ACOT6: variants seen among roughly 807,000 people sequenced by gnomAD.
ACOT6 encodes the protein acyl-CoA thioesterase 6.
Under a neutral mutation model 12.3 loss-of-function variants are expected in ACOT6, and 14 were observed. The ratio of observed to expected loss-of-function variants is 1.14; its 90% confidence interval spans 0.75 to 1.78. The LOEUF (loss-of-function observed/expected upper bound fraction) is 1.78. ACOT6 is among the 40% of genes most tolerant of loss of function. ACOT6 has a pLI of 0.00. For synonymous variants in ACOT6, 218 were observed against 231.3 expected, an observed-to-expected ratio of 0.94 and a Z score of 0.52; for missense variants, 523 against 551.8, an observed-to-expected ratio of 0.95 and a Z score of 0.52.
At chr14:73,612,511 G>A, upstream of ACOT6, 1 of 1,129,174 alleles carries the variant, frequency 8.9e-7, no homozygotes, top group Non-Finnish European at 1.2e-6. Flanking sequence ...GCTCGGCAAA[G>A]CCGCCAGGCC....
upstream of ACOT6, chr14:73,611,595 G>A (rs977739866): frequency 2.0e-5 from 3 of 152,170 alleles, no homozygotes. Context: ...TTAGATTTGT[G>A]AGGTAAGAAA....
intron 1 of ACOT6, among the ~76,000 whole-genome samples, chr14:73,613,538 C>T (rs1247613137): frequency 6.6e-6 from 1 of 152,108 alleles, no homozygotes; most frequent in East Asian, 1.9e-4. Flanking sequence ...CACAAAACTG[C>T]CTGACAGTCC....
At chr14:73,614,026 CA>C (rs59411143) in intron 1 of ACOT6, among the ~76,000 whole-genome samples, 33 of 92,958 alleles carry the variant, frequency 3.5e-4, no homozygotes, top group South Asian at 2.2e-3. Context: ...TCTGTCTCTA[CA>C]AAAAAAAAAA....
intron 1 of ACOT6, among the ~76,000 whole-genome samples, chr14:73,615,393 A>T (rs1191139536): frequency 9.3e-6 from 1 of 106,972 alleles, no homozygotes; most frequent in East Asian, 5.5e-4. Flanking sequence ...TCTGATAAAA[A>T]AAAAAAAAAA....
In ACOT6 at chr14:73,615,388, T is replaced by TAAAAA. The variant is rs1160138803; in HGVS notation, c.462-1591_462-1587dup. Reference sequence around the variant, plus strand: ...GGCAACAGAGAGAGACTCTGTCTGATAAAAAAAAAAAAAAAAAAACAAAAA... The same window carrying TAAAAA: ...GGCAACAGAGAGAGACTCTGTCTGATAAAAAAAAAAAAAAAAAAAAAAAACAAAAA... On this transcript the variant is annotated intron_variant, in intron 1 of 2. Transcript: ENST00000645972. 5.1e-4 allele frequency among the ~76,000 whole-genome samples: 32 copies of TAAAAA among 63,308 alleles called. 3 individuals are homozygous for TAAAAA. The highest frequency in any genetic ancestry group is 2.2e-3 in the African/African-American group (22 of 10,000). 41.5% of individuals were successfully genotyped at this position (63,308 alleles called of 152,430 possible). A position where few individuals can be genotyped will look rare whatever the true frequency, so the allele number is the denominator to read the frequency against.
chr14:73,613,138 A>G, intron 1 of ACOT6, 106 bp downstream of exon 1: 1 of 491,084 alleles, frequency 2.0e-6, no homozygotes, highest in Non-Finnish European at 3.5e-6. Context: ...CCTTCGCTCC[A>G]GAGTCTGTCA....
Position 73,613,038 on chromosome 14 carries a change from C to T in ACOT6, c.461+6C>T. ...CTCTTCCTGCCGCCGGATGAGTAGTCTGCCCAGAATTTGGTCGAGCTCTGC... is the reference window on the plus strand; with the variant it reads ...CTCTTCCTGCCGCCGGATGAGTAGTTTGCCCAGAATTTGGTCGAGCTCTGC... On this transcript the variant is annotated splice_donor_region_variant and intron_variant, in intron 1 of 2. Transcript: ENST00000645972. 1.3e-6 allele frequency: 1 copy of T among 785,142 alleles called. No individual in the cohort carries two copies. The highest frequency in any genetic ancestry group is 1.8e-5 in the African/African-American group (1 of 54,066). 48.6% of individuals were successfully genotyped at this position (785,142 alleles called of 1,614,324 possible).
At chr14:73,618,859 G>A (rs1337874087) in intron 2 of ACOT6, among the ~76,000 whole-genome samples, 13 of 152,140 alleles carry the variant, frequency 8.5e-5, no homozygotes, top group South Asian at 2.1e-4. Context: ...GGCGGGGCAC[G>A]GTGGCTCATG....
At chr14:73,611,482 T>TAAA (rs1890443811), upstream of ACOT6, 1 of 152,196 alleles carries the variant, frequency 6.6e-6, no homozygotes, top group Non-Finnish European at 1.5e-5. Flanking sequence ...CCTTTGTAGA[T>TAAA]AGTACCTTTA....
chr14:73,612,968 G>A lies in ACOT6; in HGVS notation c.397G>A (p.Gly133Arg), dbSNP rs1255866173. The part of the protein sequence containing the change: ...AQNKRDFLRP[G>R]VRREPVRAGP... ...GAACAAGCGCGACTTTCTCCGGCCG[G>A]GGGTGCGGCGCGAGCCGGTGCGCGC... Residue 133 changes from glycine (G) to arginine (R), a missense_variant, in exon 1 of 3, where the codon GGG becomes AGG. Transcript: ENST00000645972. 1 of 1,197,798 alleles carries A rather than the reference G, an allele frequency of 8.3e-7. No individual in the cohort carries two copies. Among genetic ancestry groups the A allele is most frequent in the African/African-American group, 1.6e-5 (1 of 62,508 alleles). The allele number at this position is 1,197,798 out of a possible 1,614,324, so 74.2% of individuals were successfully genotyped here. A position where few individuals can be genotyped will look rare whatever the true frequency, so the allele number is the denominator to read the frequency against.
At position 73,612,812 on chromosome 14, in the gene ACOT6, C is replaced by G; in HGVS notation, c.241C>G (p.Leu81Val). 2.1e-6 allele frequency: 3 copies of G among 1,424,634 alleles called. No individual in the cohort carries two copies. The highest frequency in any genetic ancestry group is 2.8e-6 in the Non-Finnish European group (3 of 1,079,426). The allele number at this position is 1,424,634 out of a possible 1,614,324, so 88.2% of individuals were successfully genotyped here. Residue 81 changes from leucine (L) to valine (V), a missense_variant, in exon 1 of 3, where the codon CTG (leucine) becomes GTG (valine). By Grantham distance (32) the Leu-to-Val change is conservative (BLOSUM62 1). Coordinates refer to ENST00000645972, the MANE Select transcript of ACOT6 (RefSeq NM_001365788.1). ...SFAGLQPMGL[L>V]WALEPEKALV... is the part of the protein sequence containing the mutation. Reference sequence around the variant, plus strand: ...CGCGGGGCTCCAGCCCATGGGGCTGCTGTGGGCGTTGGAGCCCGAGAAAGC... The same window carrying G: ...CGCGGGGCTCCAGCCCATGGGGCTGGTGTGGGCGTTGGAGCCCGAGAAAGC...
At chr14:73,611,630 T>C (rs957599003), upstream of ACOT6, 1 of 152,226 alleles carries the variant, frequency 6.6e-6, no homozygotes, top group Non-Finnish European at 1.5e-5. Context: ...CACTGGGTAC[T>C]AACCTACAGG....
At position 73,613,026 on chromosome 14, in the gene ACOT6, C is replaced by G. The variant is rs992944634; in HGVS notation, c.455C>G (p.Pro152Arg). The G allele has an allele frequency of 1.7e-5, 14 of 836,612 alleles. No individual in the cohort carries two copies. The highest frequency in any genetic ancestry group is 2.2e-5 in the Non-Finnish European group (13 of 583,428). The allele number at this position is 836,612 out of a possible 1,614,324, so 51.8% of individuals were successfully genotyped here. The stretch of plus-strand genomic sequence containing the variant: ...GTGCGCGCCGCGCTCTTCCTGCCGC[C>G]GGATGAGTAGTCTGCCCAGAATTTG... ...GPVRAALFLP[P>R]DEGPFPGIID... Residue 152 changes from proline to arginine, a missense_variant, in exon 1 of 3, where the codon CCG becomes CGG. Pro to Arg is a moderately radical substitution (Grantham distance 103). Coordinates refer to ENST00000645972, the MANE Select transcript of ACOT6 (RefSeq NM_001365788.1).
chr14:73,612,998 C>A lies in ACOT6; in HGVS notation c.427C>A (p.Pro143Thr). 1 of 987,360 alleles carries A rather than the reference C, an allele frequency of 1.0e-6. No individual in the cohort carries two copies. The highest frequency in any genetic ancestry group is 1.4e-6 in the Non-Finnish European group (1 of 720,526). The allele number at this position is 987,360 out of a possible 1,614,324, so 61.2% of individuals were successfully genotyped here. The change falls in exon 1 of 3, where the codon CCG becomes ACG. Residue 143 changes from proline to threonine, a missense_variant. This residue lies in a region of ACOT6 where 304 missense variants were observed against 274.8 expected (regional missense o/e 1.11). Transcript: ENST00000645972. ...GVRREPVRAG[P>T]VRAALFLPPD... ...GCGGCGCGAGCCGGTGCGCGCGGGC[C>A]CGGTGCGCGCCGCGCTCTTCCTGCC...
chr14:73,616,450 T>C (rs965809977), intron 1 of ACOT6, among the ~76,000 whole-genome samples: 1 of 152,000 alleles, frequency 6.6e-6, no homozygotes, highest in Admixed American at 6.6e-5. Flanking sequence ...CGCAGCACTT[T>C]GGGAGGCCAA....
chr14:73,614,666 GAACC>G (rs1890502521), intron 1 of ACOT6, among the ~76,000 whole-genome samples: 1 of 150,842 alleles, frequency 6.6e-6, no homozygotes, highest in Non-Finnish European at 1.5e-5. Context: ...AGAATCGCTT[GAACC>G]CGGGAGGCTG....
rs920799447 is a variant in ACOT6 at position 73,612,821 on chromosome 14, T to C, written c.250T>C (p.Leu84=). The part of the protein sequence containing the change: ...GLQPMGLLWA[L]EPEKALVRLV... Reference sequence around the variant, plus strand: ...CCAGCCCATGGGGCTGCTGTGGGCGTTGGAGCCCGAGAAAGCCTTGGTGCG... The same window carrying C: ...CCAGCCCATGGGGCTGCTGTGGGCGCTGGAGCCCGAGAAAGCCTTGGTGCG... The change falls in exon 1 of 3, where the codon TTG becomes CTG. Residue 84 remains leucine (L), a synonymous_variant. Coordinates refer to ENST00000645972, the MANE Select transcript of ACOT6 (RefSeq NM_001365788.1). 6.3e-6 allele frequency: 9 copies of C among 1,423,310 alleles called. No individual in the cohort carries two copies. The African/African-American group carries it at 1.0e-4, about 17-fold the overall frequency. 88.2% of individuals were successfully genotyped at this position (1,423,310 alleles called of 1,614,324 possible).
In ACOT6 at chr14:73,612,542, C is replaced by G; in HGVS notation, c.-30C>G. 2 of 1,267,200 alleles carry G rather than the reference C, an allele frequency of 1.6e-6. No individual in the cohort carries two copies. The highest frequency in any genetic ancestry group is 1.6e-5 in the African/African-American group (1 of 63,612). The allele number at this position is 1,267,200 out of a possible 1,614,324, so 78.5% of individuals were successfully genotyped here. A position where few individuals can be genotyped will look rare whatever the true frequency, so the allele number is the denominator to read the frequency against. ...AGGCCCGCCCACTGACTCCGCGGAG[C>G]TGGGTCGCCCCTGTTCTACCCAGAT... is the stretch of plus-strand genomic sequence containing the variant. On this transcript the variant is annotated 5_prime_UTR_variant, in exon 1 of 3. Transcript: ENST00000645972.
chr14:73,618,284 TC>T (rs1444438091), intron 2 of ACOT6, among the ~76,000 whole-genome samples: 41 of 152,138 alleles, frequency 2.7e-4, no homozygotes, highest in Admixed American at 2.7e-3. Context: ...CAGGGTTCTC[TC>T]CCCCACAACC....
Sources: allele counts gnomAD v4.1 joint callset (sites outside exome capture counted in the v4.1 genomes callset), GRCh38; gene constraint gnomAD v4.1.1; regional missense constraint gnomAD v4.1.1; transcripts MANE v1.5; gene names NCBI Gene and HGNC (gene_info 2026-07-23, HGNC 2026-07-21).